LARGE1: variants seen among roughly 807,000 people sequenced by gnomAD.
The protein encoded by LARGE1 is LARGE xylosyl- and glucuronyltransferase 1.
A neutral mutation model predicts 87.6 loss-of-function variants in LARGE1; 43 were observed. The observed-to-expected ratio is 0.49, with a 90% confidence interval of 0.38 to 0.63. LARGE1 has a LOEUF of 0.63. Ranked by LOEUF, LARGE1 falls within the 30% of genes least tolerant of loss-of-function variation. LARGE1 has a pLI of 0.00. For synonymous variants in LARGE1, 434 were observed against 394.6 expected, an observed-to-expected ratio of 1.10 and a Z score of -1.18; for missense variants, 802 against 1,000.2, an observed-to-expected ratio of 0.80 and a Z score of 2.67.
chr22:33,551,540 C>A (rs546899485), intron 6 of LARGE1, among the ~76,000 whole-genome samples: 6 of 152,176 alleles, frequency 3.9e-5, no homozygotes, highest in Non-Finnish European at 8.8e-5. Context: ...AGACAAGATA[C>A]ATCTAGAACA....
exon 12 of LARGE1, chr22:33,163,973 T>A (rs1922130779): frequency 6.6e-6 from 1 of 152,220 alleles, no homozygotes; most frequent in Admixed American, 6.5e-5. Context: ...TGAGAAAACC[T>A]CTACGTCAGC....
intron 7 of LARGE1, among the ~76,000 whole-genome samples, chr22:33,395,368 A>G (rs144579902): frequency 6.6e-6 from 1 of 152,234 alleles, no homozygotes; most frequent in East Asian, 1.9e-4. Flanking sequence ...ATAAATATTC[A>G]ACTCAGGACA....
intron 1 of LARGE1, among the ~76,000 whole-genome samples, chr22:33,875,855 G>C (rs969420302): frequency 1.3e-5 from 2 of 152,122 alleles, no homozygotes; most frequent in African/African-American, 4.8e-5. Flanking sequence ...CTGCTAGCCA[G>C]GTCACTTCTG....
intron 1 of LARGE1, among the ~76,000 whole-genome samples, chr22:33,886,933 T>C (rs1202593535): frequency 6.6e-6 from 1 of 151,894 alleles, no homozygotes; most frequent in Non-Finnish European, 1.5e-5. Context: ...TAAAAGCCTA[T>C]AAAGTCAACT....
intron 12 of LARGE1, among the ~76,000 whole-genome samples, chr22:33,302,492 A>G (rs1046032245): frequency 6.6e-6 from 1 of 152,178 alleles, no homozygotes; most frequent in African/African-American, 2.4e-5. Context: ...GAAGCTGGAG[A>G]GAGAACACAG....
chr22:33,195,662 A>G (rs1159435180), intron 11 of LARGE1, among the ~76,000 whole-genome samples: 4 of 152,026 alleles, frequency 2.6e-5, no homozygotes, highest in Non-Finnish European at 5.9e-5. Flanking sequence ...TCTAGATGAT[A>G]CAGCTAAGGC....
intron 10 of LARGE1, among the ~76,000 whole-genome samples, chr22:33,318,372 G>C (rs1047432528): frequency 1.3e-5 from 2 of 152,098 alleles, no homozygotes; most frequent in Non-Finnish European, 1.5e-5. Flanking sequence ...TTGGTTTTTT[G>C]TCCTTGCGAT....
chr22:33,469,385 T>C (rs2068738656), intron 6 of LARGE1, among the ~76,000 whole-genome samples: 2 of 152,142 alleles, frequency 1.3e-5, no homozygotes, highest in Non-Finnish European at 1.5e-5. Context: ...TTTGCAGCAA[T>C]ACGGATGGAG....
At chr22:33,495,767 A>G (rs1369988524) in intron 6 of LARGE1, among the ~76,000 whole-genome samples, 1 of 152,148 alleles carries the variant, frequency 6.6e-6, no homozygotes, top group Non-Finnish European at 1.5e-5. Flanking sequence ...TTGTATTTCA[A>G]TGCTACTGCT....
intron 6 of LARGE1, among the ~76,000 whole-genome samples, chr22:33,478,664 T>C (rs1232667522): frequency 6.6e-6 from 1 of 152,212 alleles, no homozygotes; most frequent in Admixed American, 6.5e-5. Context: ...TGTAAAAACA[T>C]AATGAACTGT....
the LARGE1 span, among the ~76,000 whole-genome samples, chr22:33,114,124 C>T: frequency 2.6e-5 from 4 of 151,116 alleles, no homozygotes; most frequent in East Asian, 7.7e-4. Context: ...GATCCGCCTG[C>T]CTCAGCCTCC....
intron 7 of LARGE1, among the ~76,000 whole-genome samples, chr22:33,403,368 G>A (rs2065989095): frequency 6.6e-6 from 1 of 152,154 alleles, no homozygotes; most frequent in African/African-American, 2.4e-5. Flanking sequence ...TTCCACTTGT[G>A]TTAACATCAA....
At chr22:33,871,676 C>T (rs1238810307) in intron 1 of LARGE1, among the ~76,000 whole-genome samples, 2 of 151,814 alleles carry the variant, frequency 1.3e-5, no homozygotes, top group African/African-American at 4.8e-5. Context: ...CGTGCACGCA[C>T]ACACACACAC....
At chr22:33,223,101 G>A (rs571656000) in intron 11 of LARGE1, among the ~76,000 whole-genome samples, 2 of 152,280 alleles carry the variant, frequency 1.3e-5, no homozygotes, top group African/African-American at 4.8e-5. Context: ...TAGCAAGATC[G>A]CTTTCCAACA....
At chr22:33,082,996 GC>G in the LARGE1 span, among the ~76,000 whole-genome samples, 8 of 152,156 alleles carry the variant, frequency 5.3e-5, no homozygotes, top group Non-Finnish European at 1.0e-4. Flanking sequence ...CTGCACTCCA[GC>G]CTGGGTGACA....
At chr22:33,427,246 G>C (rs1029108641) in intron 7 of LARGE1, among the ~76,000 whole-genome samples, 2 of 152,200 alleles carry the variant, frequency 1.3e-5, no homozygotes, top group Non-Finnish European at 2.9e-5. Flanking sequence ...GTGCAAGACT[G>C]TGAAAGACGC....
chr22:33,189,249 T>C (rs1217885865), intron 11 of LARGE1, among the ~76,000 whole-genome samples: 2 of 152,150 alleles, frequency 1.3e-5, no homozygotes, highest in African/African-American at 4.8e-5. Context: ...AGGAGGCAAA[T>C]GCATACAATG....
chr22:33,918,779 A>G (rs2065858772), intron 1 of LARGE1, among the ~76,000 whole-genome samples: 1 of 152,200 alleles, frequency 6.6e-6, no homozygotes, highest in Non-Finnish European at 1.5e-5. Flanking sequence ...GACTGCCTCC[A>G]CGGAATGATA....
intron 1 of LARGE1, among the ~76,000 whole-genome samples, chr22:33,811,688 G>A (rs546266632): frequency 2.0e-5 from 3 of 152,206 alleles, no homozygotes; most frequent in South Asian, 2.1e-4. Context: ...GCTTTATTAC[G>A]TCACGGTAAA....
Sources: allele counts gnomAD v4.1 joint callset (sites outside exome capture counted in the v4.1 genomes callset), GRCh38; gene constraint gnomAD v4.1.1; transcripts MANE v1.5; gene names NCBI Gene and HGNC (gene_info 2026-07-23, HGNC 2026-07-21).